The following SOX5 variants were observed in gnomAD, a reference collection of about 807,000 sequenced individuals.
The protein encoded by SOX5 is SRY-box transcription factor 5.
In SOX5, 9 loss-of-function variants were observed where a neutral mutation model predicts 92.0. That is an observed-to-expected ratio of 0.10 (90% CI 0.06 to 0.17). The LOEUF (loss-of-function observed/expected upper bound fraction) is 0.17, where lower values mean the gene tolerates loss of function less well. SOX5 is among the 10% of genes least tolerant of loss of function. The pLI is 1.00. For synonymous variants in SOX5, 344 were observed against 336.3 expected, an observed-to-expected ratio of 1.02 and a Z score of -0.25; for missense variants, 642 against 944.5, an observed-to-expected ratio of 0.68 and a Z score of 4.20.
intron 4 of SOX5, among the ~76,000 whole-genome samples, chr12:24,019,005 A>C (rs1305135093): frequency 1.3e-5 from 2 of 152,002 alleles, no homozygotes; most frequent in Non-Finnish European, 2.9e-5. Flanking sequence ...TGAGGGTCTC[A>C]CTCTGTCACC....
At chr12:24,373,655 CACAA>C (rs1220420916) in intron 1 of SOX5, among the ~76,000 whole-genome samples, 5 of 151,974 alleles carry the variant, frequency 3.3e-5, no homozygotes, top group African/African-American at 7.3e-5. Flanking sequence ...TAGCTATGCA[CACAA>C]ACACAGATAT....
chr12:23,853,770 C>T (rs1405383192), intron 2 of SOX5, among the ~76,000 whole-genome samples: 1 of 152,050 alleles, frequency 6.6e-6, no homozygotes, highest in Non-Finnish European at 1.5e-5. Flanking sequence ...GTGACAGCCT[C>T]ATTATCTTCC....
At chr12:23,543,138 T>A in intron 13 of SOX5, 73 bp downstream of exon 13, 1 of 1,269,632 alleles carries the variant, frequency 7.9e-7, no homozygotes, top group South Asian at 1.6e-5. Flanking sequence ...AAATCCAGGA[T>A]CCTTCCACAA....
intron 3 of SOX5, among the ~76,000 whole-genome samples, chr12:23,834,191 G>A (rs1269216788): frequency 2.0e-5 from 3 of 151,826 alleles, no homozygotes; most frequent in African/African-American, 7.2e-5. Context: ...GACATTTAAG[G>A]CAGTGGAACG....
At chr12:24,191,415 C>T (rs569497478) in intron 4 of SOX5, among the ~76,000 whole-genome samples, 4 of 152,234 alleles carry the variant, frequency 2.6e-5, no homozygotes, top group African/African-American at 9.6e-5. Context: ...CTGCTTGTGC[C>T]AAGGCTTCCT....
At chr12:24,303,328 T>C (rs12425232) in intron 2 of SOX5, among the ~76,000 whole-genome samples, 41,388 of 151,950 alleles carry the variant, frequency 0.27, 6,670 homozygotes, top group East Asian at 0.8. Context: ...TCATACAGAG[T>C]ATAGGGGACA....
chr12:24,464,467 A>G (rs1717743060), intron 1 of SOX5, among the ~76,000 whole-genome samples: 1 of 151,926 alleles, frequency 6.6e-6, no homozygotes, highest in South Asian at 2.1e-4. Flanking sequence ...CAGCCTCCCG[A>G]GTAGCTGGGA....
chr12:23,830,509 C>G (rs1381255902), intron 3 of SOX5, among the ~76,000 whole-genome samples: 3 of 152,134 alleles, frequency 2.0e-5, no homozygotes, highest in Admixed American at 6.6e-5. Flanking sequence ...ACAGCACTTA[C>G]AAAGCCTCTT....
At chr12:24,108,808 GA>G (rs1946987559) in intron 4 of SOX5, among the ~76,000 whole-genome samples, 1 of 152,092 alleles carries the variant, frequency 6.6e-6, no homozygotes, top group African/African-American at 2.4e-5. Context: ...ACCTTTCTCA[GA>G]ACAGAACCAG....
At chr12:24,403,578 C>T (rs1962245137) in intron 1 of SOX5, among the ~76,000 whole-genome samples, 1 of 152,166 alleles carries the variant, frequency 6.6e-6, no homozygotes, top group Non-Finnish European at 1.5e-5. Flanking sequence ...ATTCAATTTA[C>T]AATAAAATAT....
intron 3 of SOX5, among the ~76,000 whole-genome samples, chr12:24,271,168 G>T (rs1286094070): frequency 2.0e-5 from 3 of 152,110 alleles, no homozygotes; most frequent in Non-Finnish European, 4.4e-5. Context: ...CTCCAACCTT[G>T]TCAACGCTTT....
intron 7 of SOX5, among the ~76,000 whole-genome samples, chr12:23,644,556 AG>A (rs951101985): frequency 2.0e-5 from 3 of 152,204 alleles, no homozygotes; most frequent in African/African-American, 4.8e-5. Flanking sequence ...GGTGTTTTAC[AG>A]TAGCTAGTGA....
At chr12:23,626,425 A>G (rs1592707298) in intron 8 of SOX5, among the ~76,000 whole-genome samples, 1 of 152,158 alleles carries the variant, frequency 6.6e-6, no homozygotes, top group East Asian at 1.9e-4. Flanking sequence ...TTCTTATTCC[A>G]TGGAGATGGA....
chr12:24,403,836 A>C (rs1262617444), intron 1 of SOX5, among the ~76,000 whole-genome samples: 1 of 152,226 alleles, frequency 6.6e-6, no homozygotes, highest in Non-Finnish European at 1.5e-5. Flanking sequence ...GGCAAGAAAA[A>C]TCTTATCATG....
intron 2 of SOX5, among the ~76,000 whole-genome samples, chr12:23,853,028 A>G (rs902573227): frequency 2.0e-5 from 3 of 151,934 alleles, no homozygotes; most frequent in Non-Finnish European, 2.9e-5. Flanking sequence ...CAAGAATTTG[A>G]GAAGAGTGAG....
chr12:23,735,832 T>C (rs1017490580), intron 5 of SOX5, among the ~76,000 whole-genome samples: 4 of 152,250 alleles, frequency 2.6e-5, no homozygotes, highest in African/African-American at 7.2e-5. Context: ...ATTTACCTTC[T>C]ACATTTACTT....
intron 11 of SOX5, among the ~76,000 whole-genome samples, chr12:23,556,567 G>GTCTA (rs1945214209): frequency 6.6e-6 from 1 of 152,128 alleles, no homozygotes; most frequent in South Asian, 2.1e-4. Context: ...TGTTGCAAAG[G>GTCTA]TCTATCTTAT....
chr12:24,037,779 A>C (rs1173102295), intron 4 of SOX5, among the ~76,000 whole-genome samples: 2 of 152,220 alleles, frequency 1.3e-5, no homozygotes, highest in African/African-American at 4.8e-5. Flanking sequence ...TTACTAAAAT[A>C]TTTGCTCAAA....
At chr12:24,467,493 C>CA (rs1944349563) in intron 1 of SOX5, among the ~76,000 whole-genome samples, 1 of 151,660 alleles carries the variant, frequency 6.6e-6, no homozygotes, top group African/African-American at 2.4e-5. Context: ...TGTGGGCAGA[C>CA]AACAAAATGT....
Sources: gnomAD v4.1 joint callset for allele counts (sites outside exome capture counted in the v4.1 genomes callset) on GRCh38, gnomAD v4.1.1 for gene constraint, MANE v1.5 for transcripts, NCBI Gene and HGNC (gene_info 2026-07-23, HGNC 2026-07-21) for gene names.